Variants in BBX observed in about 807,000 individuals in gnomAD.
BBX encodes HMG box transcription factor BBX.
In BBX, 30 loss-of-function variants were observed where a neutral mutation model predicts 100.2. The observed-to-expected ratio is 0.30, with a 90% CI of 0.22 to 0.41. The LOEUF (loss-of-function observed/expected upper bound fraction) is 0.41, where lower values mean the gene tolerates loss of function less well. BBX is among the 10% of genes least tolerant of loss of function. The probability of loss-of-function intolerance (pLI) is 1.00; values close to 1 mark genes in which losing one functional copy is unlikely to be tolerated. For missense variants in BBX, 1,023 were observed against 1,129.8 expected, an observed-to-expected ratio of 0.91 and a Z score of 1.35; for synonymous variants, 376 against 388.1, an observed-to-expected ratio of 0.97 and a Z score of 0.37.
chr3:107,769,642 A>G (rs1560126967), intron 10 of BBX, among the ~76,000 whole-genome samples: 1 of 151,386 alleles, frequency 6.6e-6, no homozygotes, highest in South Asian at 2.1e-4. Context: ...GTCTTCGAGT[A>G]TCGTATCTGT....
chr3:107,563,528 A>G (rs1168472877), intron 2 of BBX, among the ~76,000 whole-genome samples: 1 of 152,250 alleles, frequency 6.6e-6, no homozygotes, highest in Non-Finnish European at 1.5e-5. Flanking sequence ...ACTTCTATAG[A>G]GAAAATAAAA....
At position 107,748,045 on chromosome 3, in the gene BBX, G is replaced by T. The variant is rs375050678; in HGVS notation, c.825+6G>T. 4 of 1,609,818 alleles carry T rather than the reference G, an allele frequency of 2.5e-6. No homozygotes were observed. In the South Asian group the frequency reaches 3.3e-5, roughly 13 times the overall value. On this transcript the variant is annotated splice_donor_region_variant and intron_variant, in intron 9 of 17. Coordinates refer to ENST00000325805, the MANE Select transcript of BBX (RefSeq NM_001142568.3). ...CCTTGTTTCAGTTTGCAGAGGTATGGCCTTTTTAAAATGCTTTTTAGGCTA... is the reference window on the plus strand; with the variant it reads ...CCTTGTTTCAGTTTGCAGAGGTATGTCCTTTTTAAAATGCTTTTTAGGCTA...
At chr3:107,646,986 A>G (rs1210583373) in intron 3 of BBX, among the ~76,000 whole-genome samples, 1 of 152,142 alleles carries the variant, frequency 6.6e-6, no homozygotes, top group Non-Finnish European at 1.5e-5. Flanking sequence ...TTGAATGTGT[A>G]TTTATAATAG....
intron 2 of BBX, among the ~76,000 whole-genome samples, chr3:107,580,099 T>G (rs561398692): frequency 2.0e-4 from 30 of 152,320 alleles, no homozygotes; most frequent in African/African-American, 7.0e-4. Context: ...AAATTTGACT[T>G]ACTTATGGCA....
intron 2 of BBX, among the ~76,000 whole-genome samples, chr3:107,642,812 A>G (rs901863845): frequency 1.3e-4 from 19 of 151,036 alleles, no homozygotes; most frequent in African/African-American, 4.1e-4. Context: ...TTTTTTTTTC[A>G]GTTGAATGTA....
intron 2 of BBX, among the ~76,000 whole-genome samples, chr3:107,531,209 G>C (rs74581460): frequency 6.6e-6 from 1 of 152,292 alleles, no homozygotes; most frequent in Admixed American, 6.5e-5. Flanking sequence ...CTGTATTTCA[G>C]TCAGTATGTT....
At chr3:107,524,645 G>A (rs2047617461) in intron 1 of BBX, 1 of 147,730 alleles carries the variant, frequency 6.8e-6, no homozygotes, top group South Asian at 2.2e-4. Context: ...GAGACAGAGA[G>A]AGAAGCTATT....
intron 2 of BBX, among the ~76,000 whole-genome samples, chr3:107,593,865 C>T (rs1033019882): frequency 6.6e-6 from 1 of 152,130 alleles, no homozygotes; most frequent in Non-Finnish European, 1.5e-5. Flanking sequence ...ATTAAAAGCC[C>T]AAAACACAGT....
chr3:107,666,989 A>G (rs1332146542), intron 3 of BBX, among the ~76,000 whole-genome samples: 1 of 152,252 alleles, frequency 6.6e-6, no homozygotes, highest in African/African-American at 2.4e-5. Context: ...AAGAAGCCAG[A>G]CTATCTGTGA....
At chr3:107,619,546 T>G (rs952499455) in intron 2 of BBX, among the ~76,000 whole-genome samples, 1 of 152,198 alleles carries the variant, frequency 6.6e-6, no homozygotes, top group South Asian at 2.1e-4. Context: ...ATTTTTTTTT[T>G]GTCCTTTCTG....
chr3:107,684,610 A>T (rs2059743079), intron 3 of BBX: 1 of 152,182 alleles, frequency 6.6e-6, no homozygotes, highest in South Asian at 2.1e-4. Context: ...CTAGCCTGGC[A>T]ACTAAAAGCT....
At chr3:107,571,987 T>C (rs1217355415) in intron 2 of BBX, among the ~76,000 whole-genome samples, 1 of 152,242 alleles carries the variant, frequency 6.6e-6, no homozygotes, top group Non-Finnish European at 1.5e-5. Context: ...TGCCATTGAC[T>C]GTGCAGGGCA....
intron 5 of BBX, among the ~76,000 whole-genome samples, chr3:107,726,387 T>C (rs1011523143): frequency 6.6e-6 from 1 of 151,578 alleles, no homozygotes; most frequent in African/African-American, 2.4e-5. Flanking sequence ...ATCTAAACTT[T>C]AAACTCCTTA....
intron 6 of BBX, among the ~76,000 whole-genome samples, chr3:107,730,860 C>T (rs1462889008): frequency 1.3e-5 from 2 of 152,064 alleles, no homozygotes; most frequent in African/African-American, 2.4e-5. Flanking sequence ...AAGATGAAAG[C>T]GAACTAATTT....
At chr3:107,662,862 A>T (rs2058534340) in intron 3 of BBX, 1 of 152,166 alleles carries the variant, frequency 6.6e-6, no homozygotes, top group Admixed American at 6.5e-5. Flanking sequence ...TACCTCAAAG[A>T]GTCCTGAGTA....
chr3:107,617,554 A>G (rs1280509116), intron 2 of BBX, among the ~76,000 whole-genome samples: 1 of 151,868 alleles, frequency 6.6e-6, no homozygotes, highest in Non-Finnish European at 1.5e-5. Context: ...TTTTTTTTCC[A>G]TCAGCATTTT....
Position 107,627,557 on chromosome 3 carries a change from A to G in BBX, c.-83-18279A>G, listed in dbSNP as rs2056269667. Among the ~76,000 whole-genome samples the G allele has an allele frequency of 3.3e-5, 5 of 152,310 alleles. No individual in the cohort carries two copies. The South Asian group carries it at 1.0e-3, about 32-fold the overall frequency. ...CAGTGAACTCTTTAATTTGATTACC[A>G]CCTAGCATGTAATCATTGAAGAAGA... On this transcript the variant is annotated intron_variant, in intron 2 of 17. Coordinates refer to ENST00000325805, the MANE Select transcript of BBX (RefSeq NM_001142568.3).
At chr3:107,603,683 G>A (rs2107629179) in intron 2 of BBX, among the ~76,000 whole-genome samples, 1 of 152,056 alleles carries the variant, frequency 6.6e-6, no homozygotes, top group East Asian at 1.9e-4. Flanking sequence ...CGGCCTCCTT[G>A]TCATCTTATT....
Position 107,772,820 on chromosome 3 carries a change from T to C in BBX, c.1099T>C (p.Ser367Pro). 6.2e-7 allele frequency: 1 copy of C among 1,613,526 alleles called. No individual in the cohort carries two copies. The highest frequency in any genetic ancestry group is 8.5e-7 in the Non-Finnish European group (1 of 1,179,846). The change falls in exon 11 of 18, where the codon TCT becomes CCT. Residue 367 changes from serine (S) to proline (P), a missense_variant. By Grantham distance (74) the Ser-to-Pro change is moderately conservative (BLOSUM62 -1). This residue lies in a region of BBX where 348 missense variants were observed against 353.2 expected (regional missense o/e 0.99). Coordinates refer to ENST00000325805, the MANE Select transcript of BBX (RefSeq NM_001142568.3). The part of the protein sequence containing the change: ...EKSAKENLRD[S>P]KELRNFEALQ... ...ATCGGCTAAGGAAAATTTAAGAGATTCTAAGGAATTGAGAAATTTTGAGGC... is the reference window on the plus strand; with the variant it reads ...ATCGGCTAAGGAAAATTTAAGAGATCCTAAGGAATTGAGAAATTTTGAGGC...
Sources: gnomAD v4.1 joint callset for allele counts (sites outside exome capture counted in the v4.1 genomes callset) on GRCh38, gnomAD v4.1.1 for gene constraint, gnomAD v4.1.1 regional missense constraint, MANE v1.5 for transcripts, NCBI Gene and HGNC (gene_info 2026-07-23, HGNC 2026-07-21) for gene names.